The following SLIT1 variants were observed in gnomAD, a reference collection of about 807,000 sequenced individuals.
The protein encoded by SLIT1 is slit homolog 1 protein.
SLIT1 carries 66 observed loss-of-function variants against 186.1 expected under a neutral mutation model. That is an observed-to-expected ratio of 0.35 (90% CI 0.29 to 0.44). The LOEUF (loss-of-function observed/expected upper bound fraction) is 0.44, where lower values mean the gene tolerates loss of function less well. Ranked by LOEUF, SLIT1 falls within the 20% of genes least tolerant of loss-of-function variation. The pLI is 1.00. For synonymous variants in SLIT1, 761 were observed against 833.8 expected (o/e 0.91, Z 1.50); for missense variants, 1,638 against 2,037.4 (o/e 0.80, Z 3.77).
chr10:97,017,663 G>C (rs1033335115), intron 28 of SLIT1, among the ~76,000 whole-genome samples: 24 of 152,258 alleles, frequency 1.6e-4, no homozygotes, highest in Middle Eastern at 3.4e-3. Context: ...CCCAGAGAAA[G>C]CAAACAGGCC....
At position 97,062,374 on chromosome 10, in the gene SLIT1, C is replaced by T. The variant is rs117592265; in HGVS notation, c.793+1081G>A. Among the ~76,000 whole-genome samples the T allele has an allele frequency of 2.5e-3, 386 of 152,324 alleles. 8 individuals are homozygous for T. In the East Asian group the frequency reaches 0.042, roughly 17 times the overall value. Reference sequence around the variant, plus strand: ...GAGGCTGTGCCTAGGAGATGCTTTCCTTCAGAACTCTGTGTGGCTGGCAGG... The same window carrying T: ...GAGGCTGTGCCTAGGAGATGCTTTCTTTCAGAACTCTGTGTGGCTGGCAGG... On this transcript the variant is annotated intron_variant, in intron 8 of 36. Coordinates refer to ENST00000266058, the MANE Select transcript of SLIT1 (RefSeq NM_003061.3).
At chr10:97,019,134 A>G in intron 26 of SLIT1, 27 bp from the exon 27 acceptor site, 12 of 715,536 alleles carry the variant, frequency 1.7e-5, no homozygotes, top group Non-Finnish European at 2.9e-5. Context: ...GTGCTAGTGC[A>G]GGGGGAGGGG....
At chr10:97,150,639 A>T (rs1464628124) in intron 4 of SLIT1, among the ~76,000 whole-genome samples, 2 of 119,498 alleles carry the variant, frequency 1.7e-5, no homozygotes, top group Non-Finnish European at 3.2e-5. Context: ...TCTTGTTGGG[A>T]CACATATTGG....
intron 23 of SLIT1, 92 bp downstream of exon 23, chr10:97,034,379 G>A: frequency 2.2e-6 from 2 of 910,958 alleles, no homozygotes; most frequent in Admixed American, 3.4e-5. Context: ...CTGCAGGCGA[G>A]GGATCTGGGA....
At chr10:97,123,582 C>T (rs1450053088) in intron 4 of SLIT1, among the ~76,000 whole-genome samples, 2 of 151,964 alleles carry the variant, frequency 1.3e-5, no homozygotes, top group African/African-American at 2.4e-5. Flanking sequence ...AGGTCAAGAT[C>T]ACTTTGAGAC....
At chr10:97,166,975 C>T (rs1787511754) in intron 1 of SLIT1, among the ~76,000 whole-genome samples, 1 of 152,176 alleles carries the variant, frequency 6.6e-6, no homozygotes, top group Admixed American at 6.5e-5. Flanking sequence ...TCTCAACATT[C>T]AACGCATCCT....
chr10:97,097,288 T>C (rs531556114), intron 4 of SLIT1, among the ~76,000 whole-genome samples: 3 of 152,366 alleles, frequency 2.0e-5, no homozygotes, highest in African/African-American at 7.2e-5. Context: ...CTGTTGTGTT[T>C]TATGTCTGCT....
intron 3 of SLIT1, among the ~76,000 whole-genome samples, chr10:97,159,040 G>C (rs1849991838): frequency 6.6e-6 from 1 of 152,246 alleles, no homozygotes; most frequent in South Asian, 2.1e-4. Context: ...AAAAAAATTA[G>C]CTGGGCATGG....
chr10:97,127,693 G>A (rs1589403791), intron 4 of SLIT1, among the ~76,000 whole-genome samples: 1 of 152,164 alleles, frequency 6.6e-6, no homozygotes, highest in East Asian at 1.9e-4. Flanking sequence ...GTCACATGGT[G>A]GCTTCAGCAC....
At chr10:97,117,319 C>T (rs560640590) in intron 4 of SLIT1, among the ~76,000 whole-genome samples, 1 of 152,164 alleles carries the variant, frequency 6.6e-6, no homozygotes, top group Admixed American at 6.5e-5. Context: ...GGACTAAGAA[C>T]AACGTCTATT....
intron 23 of SLIT1, among the ~76,000 whole-genome samples, chr10:97,033,518 A>G (rs1253718138): frequency 6.6e-6 from 1 of 152,192 alleles, no homozygotes; most frequent in Admixed American, 6.6e-5. Context: ...ATATCCATCA[A>G]GACTAGAATA....
At chr10:97,060,816 G>T (rs758236216) in intron 8 of SLIT1, 29 bp from the exon 9 acceptor site, 40 of 1,552,354 alleles carry the variant, frequency 2.6e-5, no homozygotes, top group African/African-American at 6.7e-5. Context: ...GTGGCCTCAG[G>T]CTGTCATGCA....
chr10:97,128,564 C>A (rs114065134), intron 4 of SLIT1, among the ~76,000 whole-genome samples: 1 of 152,192 alleles, frequency 6.6e-6, no homozygotes, highest in African/African-American at 2.4e-5. Context: ...GCCCCTCCTG[C>A]CCTGATGCCC....
chr10:97,154,837 G>C (rs945590289), intron 4 of SLIT1: 1 of 152,232 alleles, frequency 6.6e-6, no homozygotes, highest in Non-Finnish European at 1.5e-5. Flanking sequence ...TATAGAATCT[G>C]GCTATTTAAT....
Position 97,004,943 on chromosome 10 carries a change from C to A in SLIT1, c.3580-120G>T. On this transcript the variant is annotated intron_variant, in intron 32 of 36. Transcript: ENST00000266058. The surrounding 1 kb of genome is among the most constrained non-coding windows in gnomAD (Gnocchi z 5.1). ...GAGATGCTCTGTGCAGAGCGCTCTT[C>A]CCCCACCTGGCCAGCCTCCCCAAGG... 8.2e-7 allele frequency: 1 copy of A among 1,225,468 alleles called. No homozygotes were observed. Among genetic ancestry groups the A allele is most frequent in the Non-Finnish European group, 1.2e-6 (1 of 864,228 alleles). The allele number at this position is 1,225,468 out of a possible 1,614,324, so 75.9% of individuals were successfully genotyped here. A position where few individuals can be genotyped will look rare whatever the true frequency, so the allele number is the denominator to read the frequency against.
At chr10:97,161,901 CCT>C (rs1463505050) in intron 3 of SLIT1, among the ~76,000 whole-genome samples, 1 of 152,158 alleles carries the variant, frequency 6.6e-6, no homozygotes, top group East Asian at 1.9e-4. Flanking sequence ...TCTCTGTGTA[CCT>C]CTCTTTCTCA....
intron 4 of SLIT1, among the ~76,000 whole-genome samples, chr10:97,106,407 C>CAAACGAATGAAT (rs1554851566): frequency 1.4e-4 from 10 of 74,066 alleles, no homozygotes; most frequent in African/African-American, 3.4e-4. Flanking sequence ...AATGAATGAA[C>CAAACGAATGAAT]GAATGAATGA....
chr10:97,162,527 C>T (rs991044966), intron 3 of SLIT1, among the ~76,000 whole-genome samples: 8 of 152,288 alleles, frequency 5.3e-5, no homozygotes, highest in African/African-American at 1.7e-4. Flanking sequence ...GCGGGGGAAT[C>T]GCTTGAACCC....
At chr10:97,118,402 G>T (rs1849527686) in intron 4 of SLIT1, among the ~76,000 whole-genome samples, 1 of 152,128 alleles carries the variant, frequency 6.6e-6, no homozygotes, top group Non-Finnish European at 1.5e-5. Flanking sequence ...CCTAGCCATG[G>T]AGTTAGAGCC....
Sources: gnomAD v4.1 joint callset for allele counts (sites outside exome capture counted in the v4.1 genomes callset) on GRCh38, gnomAD v4.1.1 for gene constraint, Gnocchi (gnomAD v3.1) non-coding constraint, MANE v1.5 for transcripts, NCBI Gene and HGNC (gene_info 2026-07-23, HGNC 2026-07-21) for gene names.